STX2: variants seen among roughly 807,000 people sequenced by gnomAD.
The protein encoded by STX2 is syntaxin 2.
A neutral mutation model predicts 40.6 loss-of-function variants in STX2; 27 were observed. The ratio of observed to expected loss-of-function variants is 0.66; its 90% confidence interval spans 0.49 to 0.92. STX2 has a LOEUF of 0.92. Ranked by LOEUF, STX2 falls within the 40% of genes least tolerant of loss-of-function variation. STX2 has a pLI of 0.00. For synonymous variants in STX2, 123 were observed against 119.1 expected, an observed-to-expected ratio of 1.03 and a Z score of -0.22; for missense variants, 328 against 366.1, an observed-to-expected ratio of 0.90 and a Z score of 0.85.
intron 9 of STX2, among the ~76,000 whole-genome samples, chr12:130,797,679 G>A (rs1352190239): frequency 1.3e-5 from 2 of 152,248 alleles, no homozygotes; most frequent in East Asian, 3.9e-4. Context: ...TCTCTCCAGT[G>A]TCAGGGGCAC....
intron 4 of STX2, among the ~76,000 whole-genome samples, chr12:130,810,043 A>C (rs898593805): frequency 1.3e-5 from 2 of 152,156 alleles, no homozygotes; most frequent in Non-Finnish European, 2.9e-5. Flanking sequence ...ACAACAACAA[A>C]AAGTAATTTG....
At chr12:130,808,845 T>C in intron 4 of STX2, 141 bp from the exon 5 acceptor site, 1 of 727,876 alleles carries the variant, frequency 1.4e-6, no homozygotes, top group Non-Finnish European at 2.2e-6. Context: ...TCTAAAACAA[T>C]CTACTAAAAA....
chr12:130,808,219 C>G (rs571474589), intron 5 of STX2, among the ~76,000 whole-genome samples: 3 of 152,208 alleles, frequency 2.0e-5, no homozygotes, highest in Non-Finnish European at 4.4e-5. Context: ...CCCCACTCCT[C>G]TCTTCCCACA....
Position 130,812,970 on chromosome 12 carries a change from T to C in STX2, c.267A>G (p.Arg89=). ...KEIKKTANKI[R]AKLKAIEQSF... is the part of the protein sequence containing the mutation. ...CTTCAAACTTACCCTTTAACTTGGC[T>C]CGAATTTTATTCGCAGTTTTCTTGA... Residue 89 remains arginine (R), a synonymous_variant, in exon 4 of 11, where the codon CGA becomes CGG. Coordinates refer to ENST00000392373, the MANE Select transcript of STX2 (RefSeq NM_194356.4). 4 of 1,552,846 alleles carry C rather than the reference T, an allele frequency of 2.6e-6. No individual in the cohort carries two copies. The South Asian group carries it at 3.8e-5, about 15-fold the overall frequency.
Position 130,792,842 on chromosome 12 carries a change from G to A in STX2, c.*46-865C>T, listed in dbSNP as rs1593104027. On this transcript the variant is annotated intron_variant, in intron 10 of 10. Coordinates refer to ENST00000392373, the MANE Select transcript of STX2 (RefSeq NM_194356.4). ...CATTCATTCATTCTTCTACTGCACT[G>A]ATGGTCTGGAAGCAGGGTGCGACAC... Among the ~76,000 whole-genome samples the A allele has an allele frequency of 2.0e-5, 3 of 152,176 alleles. No individual in the cohort carries two copies. The East Asian group carries it at 5.8e-4, about 29-fold the overall frequency.
At chr12:130,792,130 G>C (rs1017234666) in intron 10 of STX2, among the ~76,000 whole-genome samples, 153 bp from the exon 11 acceptor site, 1 of 152,240 alleles carries the variant, frequency 6.6e-6, no homozygotes, top group South Asian at 2.1e-4. Context: ...ATGTGATCTT[G>C]GCTCACAGCA....
chr12:130,803,326 C>T (rs1951297895), intron 6 of STX2, among the ~76,000 whole-genome samples: 1 of 152,076 alleles, frequency 6.6e-6, no homozygotes, highest in Non-Finnish European at 1.5e-5. Context: ...CACAGCAAGA[C>T]CCTATCTCTA....
At chr12:130,832,763 C>G (rs1952617863) in intron 1 of STX2, among the ~76,000 whole-genome samples, 1 of 152,196 alleles carries the variant, frequency 6.6e-6, no homozygotes, top group African/African-American at 2.4e-5. Context: ...CACGTCTCAC[C>G]TCCGCCCACT....
intron 3 of STX2, among the ~76,000 whole-genome samples, chr12:130,818,185 A>AAAAAAAAAAATATATATATATATATAT: frequency 1.4e-5 from 1 of 70,586 alleles, no homozygotes; most frequent in Non-Finnish European, 2.3e-5. Context: ...AAAAAAAAAA[A>AAAAAAAAAAATATATATATATATATAT]ATATATATAT....
intron 3 of STX2, among the ~76,000 whole-genome samples, chr12:130,821,183 T>G (rs138468359): frequency 8.2e-4 from 125 of 152,316 alleles, no homozygotes; most frequent in African/African-American, 2.9e-3. Flanking sequence ...AGGGAGAATT[T>G]GGATAAACAG....
chr12:130,795,170 T>A (rs1238883659), intron 10 of STX2, among the ~76,000 whole-genome samples: 2 of 152,244 alleles, frequency 1.3e-5, no homozygotes, highest in Non-Finnish European at 2.9e-5. Flanking sequence ...TTCCTTTTAA[T>A]ATTAAAGGAA....
At chr12:130,803,400 T>A (rs1276827502) in intron 6 of STX2, among the ~76,000 whole-genome samples, 3 of 152,198 alleles carry the variant, frequency 2.0e-5, no homozygotes, top group Non-Finnish European at 2.9e-5. Context: ...TCTCTGAGTT[T>A]TGCTTTGCTT....
chr12:130,821,255 C>G (rs746331181), intron 3 of STX2, among the ~76,000 whole-genome samples: 4 of 152,218 alleles, frequency 2.6e-5, no homozygotes, highest in Non-Finnish European at 5.9e-5. Context: ...CAGCACAGTC[C>G]ATACAAAAGC....
intron 3 of STX2, among the ~76,000 whole-genome samples, chr12:130,814,351 G>A (rs1332612372): frequency 2.6e-5 from 4 of 152,166 alleles, no homozygotes; most frequent in African/African-American, 9.7e-5. Context: ...CATGGGCAGC[G>A]AGGAGGAGAA....
chr12:130,817,201 G>A (rs995769655), intron 3 of STX2, among the ~76,000 whole-genome samples: 5 of 151,596 alleles, frequency 3.3e-5, no homozygotes, highest in African/African-American at 4.8e-5. Flanking sequence ...AGACACAGAC[G>A]TTAAAACAAT....
intron 3 of STX2, among the ~76,000 whole-genome samples, chr12:130,818,170 CAAAAAA>C (rs756794046): frequency 4.0e-5 from 2 of 49,860 alleles, no homozygotes; most frequent in African/African-American, 3.1e-4. Flanking sequence ...GCTGTTTCTA[CAAAAAA>C]AAAAAAAAAA....
At chr12:130,820,280 A>C (rs1952062651) in intron 3 of STX2, among the ~76,000 whole-genome samples, 1 of 152,248 alleles carries the variant, frequency 6.6e-6, no homozygotes, top group African/African-American at 2.4e-5. Flanking sequence ...AGAGAATATC[A>C]GAATTAATAA....
rs778277700 is a variant in STX2 at position 130,821,750 on chromosome 12, T to C, written c.144A>G (p.Gln48=). The change falls in exon 3 of 11, where the codon CAA becomes CAG. Residue 48 remains glutamine (Q), a synonymous_variant. Coordinates refer to ENST00000392373, the MANE Select transcript of STX2 (RefSeq NM_194356.4). The part of the protein sequence containing the change: ...EIRNSIDKIT[Q]YVEEVKKNHS... ...GGTTTTTCTTTACTTCTTCAACATATTGAGTTATTTTATCAATACTGTTTC... is the reference window on the plus strand; with the variant it reads ...GGTTTTTCTTTACTTCTTCAACATACTGAGTTATTTTATCAATACTGTTTC... The C allele has an allele frequency of 8.7e-6, 14 of 1,613,354 alleles. No individual in the cohort carries two copies. Among genetic ancestry groups the C allele is most frequent in the Admixed American group, 5.0e-5 (3 of 60,010 alleles).
Position 130,791,903 on chromosome 12 carries a change from G to C in STX2, c.*120C>G, listed in dbSNP as rs4759786. 1 of 1,611,372 alleles carries C rather than the reference G, an allele frequency of 6.2e-7. No homozygotes were observed. Among genetic ancestry groups the C allele is most frequent in the Non-Finnish European group, 8.5e-7 (1 of 1,178,238 alleles). ...AATGGCTCTTGGGATATGGTTGCTA[G>C]GACAATGTTGTTGCTAGGATAATTC... On this transcript the variant is annotated 3_prime_UTR_variant, in exon 11 of 11. Coordinates refer to ENST00000392373, the MANE Select transcript of STX2 (RefSeq NM_194356.4).
Sources: allele counts gnomAD v4.1 joint callset (sites outside exome capture counted in the v4.1 genomes callset), GRCh38; gene constraint gnomAD v4.1.1; transcripts MANE v1.5; gene names NCBI Gene and HGNC (gene_info 2026-07-23, HGNC 2026-07-21).